Variants in AADACL2 observed in about 807,000 individuals in gnomAD.
AADACL2 encodes arylacetamide deacetylase like 2, also known as arylacetamide deacetylase-like 2.
A neutral mutation model predicts 22.3 loss-of-function variants in AADACL2; 23 were observed. The observed-to-expected ratio is 1.03, with a 90% CI of 0.74 to 1.46. The LOEUF (loss-of-function observed/expected upper bound fraction) is 1.46, where lower values mean the gene tolerates loss of function less well. AADACL2 is among the 40% of genes most tolerant of loss of function. AADACL2 has a pLI of 0.00. For missense variants in AADACL2, 472 were observed against 482.9 expected, an observed-to-expected ratio of 0.98 and a Z score of 0.21; for synonymous variants, 177 against 166.2, an observed-to-expected ratio of 1.07 and a Z score of -0.50.
At chr3:151,750,902 C>T (rs917556688) in intron 4 of AADACL2, among the ~76,000 whole-genome samples, 16 of 152,046 alleles carry the variant, frequency 1.1e-4, no homozygotes, top group African/African-American at 3.6e-4. Context: ...TATTGTGAAA[C>T]CAAAATTGTA....
intron 1 of AADACL2, among the ~76,000 whole-genome samples, chr3:151,735,712 C>G (rs189242632): frequency 6.6e-6 from 1 of 152,126 alleles, no homozygotes; most frequent in African/African-American, 2.4e-5. Context: ...GAGCTGAGAT[C>G]GTGCCATTGC....
At chr3:151,746,500 T>C (rs540130556) in intron 4 of AADACL2, among the ~76,000 whole-genome samples, 17 of 152,086 alleles carry the variant, frequency 1.1e-4, no homozygotes, top group African/African-American at 4.1e-4. Context: ...TAGTAAAATA[T>C]TTAATATAAC....
intron 1 of AADACL2, among the ~76,000 whole-genome samples, chr3:151,738,372 T>C (rs941994393): frequency 3.9e-5 from 6 of 152,224 alleles, no homozygotes; most frequent in Non-Finnish European, 5.9e-5. Flanking sequence ...CCAGTGTTAG[T>C]CTGATGGGTC....
At chr3:151,741,123 AC>A (rs1410811873) in intron 2 of AADACL2, among the ~76,000 whole-genome samples, 1 of 152,192 alleles carries the variant, frequency 6.6e-6, no homozygotes, top group Non-Finnish European at 1.5e-5. Flanking sequence ...TATTGAATGA[AC>A]ATATATCAAA....
chr3:151,751,719 A>G (rs1390869084), intron 4 of AADACL2, among the ~76,000 whole-genome samples: 1 of 152,048 alleles, frequency 6.6e-6, no homozygotes, highest in Non-Finnish European at 1.5e-5. Context: ...AGAAAAAAGA[A>G]ATAACAATTG....
chr3:151,738,274 G>A (rs1713161096), intron 1 of AADACL2, among the ~76,000 whole-genome samples: 1 of 152,140 alleles, frequency 6.6e-6, no homozygotes, highest in Non-Finnish European at 1.5e-5. Flanking sequence ...GGCTGGATAC[G>A]AAATTCTGGG....
chr3:151,743,762 C>A lies in AADACL2; in HGVS notation c.362-331C>A, dbSNP rs554820483. On this transcript the variant is annotated intron_variant, in intron 2 of 4. Transcript: ENST00000356517. ...CCATTATTTCAGATGAAGTAAAATG[C>A]ACCAGGATACAAAGGGTCCTGGGAA... Among the ~76,000 whole-genome samples the A allele has an allele frequency of 3.9e-5, 6 of 152,176 alleles. No homozygotes were observed. In the South Asian group the frequency reaches 1.2e-3, roughly 32 times the overall value.
At chr3:151,746,295 T>C (rs1203735234) in intron 4 of AADACL2, among the ~76,000 whole-genome samples, 1 of 151,834 alleles carries the variant, frequency 6.6e-6, no homozygotes, top group African/African-American at 2.4e-5. Context: ...ACAATTGATT[T>C]TGATATTGGC....
rs972853181 is a variant in AADACL2 at position 151,761,266 on chromosome 3, C to T, written c.*3672C>T. ...ATGAATTTGGTGGAACACAAAAGAA[C>T]ACCTAGCAAGTATCATATGTTCCAA... On this transcript the variant is annotated 3_prime_UTR_variant, in exon 5 of 5. Transcript: ENST00000356517. 7.6e-6 allele frequency: 1 copy of T among 131,552 alleles called. No homozygotes were observed. Among genetic ancestry groups the T allele is most frequent in the Non-Finnish European group, 1.6e-5 (1 of 62,758 alleles). The allele number at this position is 131,552 out of a possible 1,614,324, so 8.1% of individuals were successfully genotyped here. A position where few individuals can be genotyped will look rare whatever the true frequency, so the allele number is the denominator to read the frequency against.
chr3:151,737,871 T>A (rs1371124276), intron 1 of AADACL2, among the ~76,000 whole-genome samples: 1 of 152,214 alleles, frequency 6.6e-6, no homozygotes, highest in Non-Finnish European at 1.5e-5. Flanking sequence ...ATGGGTCTCC[T>A]GAATACAGCA....
rs992723537 is a variant in AADACL2, at chr3:151,757,585, G to A, written c.1197G>A (p.Lys399=). The part of the protein sequence containing the change: ...IRDMYVSWLD[K]NL ...ATATGTATGTAAGTTGGCTGGATAA[G>A]AATTTATAAATATGTGATGTGTATG... is the stretch of plus-strand genomic sequence containing the variant. The change falls in exon 5 of 5, where the codon AAG becomes AAA. Residue 399 remains lysine, a synonymous_variant. Coordinates refer to ENST00000356517, the MANE Select transcript of AADACL2 (RefSeq NM_207365.4). 1 of 1,605,058 alleles carries A rather than the reference G, an allele frequency of 6.2e-7. No individual in the cohort carries two copies. The highest frequency in any genetic ancestry group is 8.5e-7 in the Non-Finnish European group (1 of 1,174,928).
intron 1 of AADACL2, among the ~76,000 whole-genome samples, chr3:151,737,084 G>T (rs1178537551): frequency 6.6e-6 from 1 of 152,110 alleles, no homozygotes; most frequent in East Asian, 1.9e-4. Flanking sequence ...TCAGCTTTCT[G>T]ATATGGCCAT....
chr3:151,749,820 T>C (rs1010510439), intron 4 of AADACL2, among the ~76,000 whole-genome samples: 5 of 152,136 alleles, frequency 3.3e-5, no homozygotes, highest in Admixed American at 2.0e-4. Context: ...ATGCTTTTTA[T>C]TTCTGTTTTT....
At chr3:151,749,863 T>C (rs1354521323) in intron 4 of AADACL2, among the ~76,000 whole-genome samples, 1 of 152,162 alleles carries the variant, frequency 6.6e-6, no homozygotes, top group Non-Finnish European at 1.5e-5. Flanking sequence ...TTTCTCTGAC[T>C]AGGTCTTCTA....
intron 1 of AADACL2, among the ~76,000 whole-genome samples, chr3:151,738,643 G>T (rs1713172099): frequency 6.6e-6 from 1 of 152,116 alleles, no homozygotes; most frequent in Admixed American, 6.5e-5. Context: ...TCTAACGTAG[G>T]TTTGGTCTTT....
At chr3:151,744,290 C>A in intron 3 of AADACL2, 128 bp downstream of exon 3, 1 of 777,424 alleles carries the variant, frequency 1.3e-6, no homozygotes, top group Non-Finnish European at 2.0e-6. Flanking sequence ...GTCACCATTG[C>A]AACATAGACT....
chr3:151,756,950 T>C (rs778032264), intron 4 of AADACL2, 42 bp from the exon 5 acceptor site: 1 of 1,514,480 alleles, frequency 6.6e-7, no homozygotes, highest in Non-Finnish European at 8.8e-7. Context: ...TCCTGGTATT[T>C]TGGAAATGTT....
Position 151,759,174 on chromosome 3 carries a change from A to G in AADACL2, c.*1580A>G, listed in dbSNP as rs1185143312. On this transcript the variant is annotated 3_prime_UTR_variant, in exon 5 of 5. Transcript: ENST00000356517. ...ATATGCTATACTACATACACTAAGAATATTGTATTTTTCATAATTCTGATT... is the reference window on the plus strand; with the variant it reads ...ATATGCTATACTACATACACTAAGAGTATTGTATTTTTCATAATTCTGATT... 6.6e-6 allele frequency: 1 copy of G among 152,142 alleles called. No homozygotes were observed. 9.4% of individuals were successfully genotyped at this position (152,142 alleles called of 1,614,324 possible).
At position 151,745,574 on chromosome 3, in the gene AADACL2, T is replaced by A. The variant is rs912867101; in HGVS notation, c.497T>A (p.Phe166Tyr). The change falls in exon 4 of 5, where the codon TTT becomes TAT. Residue 166 changes from phenylalanine to tyrosine, a missense_variant. Physicochemically the swap from Phe to Tyr is conservative, Grantham distance 22 (BLOSUM62 3). Coordinates refer to ENST00000356517, the MANE Select transcript of AADACL2 (RefSeq NM_207365.4). Reference protein sequence around the residue: ...QFEDGLAAVKFFLLEKILTKY... With the variant: ...QFEDGLAAVKYFLLEKILTKY... ...GAAGATGGCCTTGCTGCAGTCAAATTTTTTCTTTTGGAAAAAATTCTTACA... is the reference window on the plus strand; with the variant it reads ...GAAGATGGCCTTGCTGCAGTCAAATATTTTCTTTTGGAAAAAATTCTTACA... 1 of 1,613,874 alleles carries A rather than the reference T, an allele frequency of 6.2e-7. No homozygotes were observed.
Sources: allele counts gnomAD v4.1 joint callset (sites outside exome capture counted in the v4.1 genomes callset), GRCh38; gene constraint gnomAD v4.1.1; transcripts MANE v1.5; gene names NCBI Gene and HGNC (gene_info 2026-07-23, HGNC 2026-07-21).